Variants in MAP3K20 observed in about 807,000 individuals in gnomAD.
MAP3K20 encodes HCCS-4.
MAP3K20 carries 40 observed loss-of-function variants against 85.7 expected under a neutral mutation model. That is an observed-to-expected ratio of 0.47 (90% CI 0.36 to 0.61). The LOEUF (loss-of-function observed/expected upper bound fraction) is 0.61, where lower values mean the gene tolerates loss of function less well. Ranked by LOEUF, MAP3K20 falls within the 20% of genes least tolerant of loss-of-function variation. The probability of loss-of-function intolerance (pLI) is 0.00; values close to 1 mark genes in which losing one functional copy is unlikely to be tolerated. For synonymous variants in MAP3K20, 325 were observed against 327.7 expected (o/e 0.99, Z 0.09); for missense variants, 817 against 961.7 (o/e 0.85, Z 1.99).
At chr2:173,203,079 G>C (rs909834586) in intron 8 of MAP3K20, among the ~76,000 whole-genome samples, 13 of 152,074 alleles carry the variant, frequency 8.5e-5, no homozygotes, top group Admixed American at 3.3e-4. Context: ...ATGGTATATT[G>C]AATTGTCTAG....
At chr2:173,197,942 A>G in intron 7 of MAP3K20, 84 bp from the exon 8 acceptor site, 1 of 1,242,952 alleles carries the variant, frequency 8.0e-7, no homozygotes, top group Non-Finnish European at 1.1e-6. Flanking sequence ...ATTAGATACA[A>G]TTACATGTTA....
intron 2 of MAP3K20, among the ~76,000 whole-genome samples, chr2:173,126,693 T>G (rs1688454395): frequency 1.3e-5 from 2 of 150,782 alleles, no homozygotes; most frequent in South Asian, 2.1e-4. Flanking sequence ...GAATGTTTCT[T>G]TACAAAGAGA....
At chr2:173,229,838 G>A in intron 12 of MAP3K20, 105 bp downstream of exon 12, 1 of 1,282,478 alleles carries the variant, frequency 7.8e-7, no homozygotes. Context: ...GTCTAACTAG[G>A]AGAGGTTGAC....
intron 2 of MAP3K20, among the ~76,000 whole-genome samples, chr2:173,152,376 C>T (rs979662964): frequency 6.6e-6 from 1 of 152,132 alleles, no homozygotes. Context: ...TAGGCTGTTA[C>T]ATGGGAAGAG....
chr2:173,238,773 C>G (rs1468536338), intron 15 of MAP3K20, among the ~76,000 whole-genome samples: 1 of 152,160 alleles, frequency 6.6e-6, no homozygotes, highest in Non-Finnish European at 1.5e-5. Context: ...AATTCATACC[C>G]TGGAGCGCTC....
At chr2:173,263,471 T>C (rs1009090035) in intron 18 of MAP3K20, among the ~76,000 whole-genome samples, 5 of 152,228 alleles carry the variant, frequency 3.3e-5, no homozygotes, top group African/African-American at 1.2e-4. Flanking sequence ...TACTATAGTT[T>C]ACTAAGAAAT....
At chr2:173,171,722 T>C (rs1442070733) in intron 3 of MAP3K20, among the ~76,000 whole-genome samples, 1 of 152,212 alleles carries the variant, frequency 6.6e-6, no homozygotes, top group Non-Finnish European at 1.5e-5. Flanking sequence ...CCTACCCAAA[T>C]TCTTCAGTTA....
At chr2:173,155,074 A>G (rs1386326694) in intron 2 of MAP3K20, among the ~76,000 whole-genome samples, 1 of 152,158 alleles carries the variant, frequency 6.6e-6, no homozygotes. Context: ...GAGATGGAAT[A>G]TTTCAGAAAG....
Position 173,216,136 on chromosome 2 carries a change from A to G in MAP3K20, c.852-979A>G, listed in dbSNP as rs374086763. Among the ~76,000 whole-genome samples the G allele has an allele frequency of 2.1e-3, 314 of 152,306 alleles. 7 individuals carry two copies. In the South Asian group the frequency reaches 0.056, roughly 27 times the overall value. Reference sequence around the variant, plus strand: ...AAGGCTTTTCAGAAACTCAAGGGAAAGAGCTTCCAGTTTTCAAAACATAGA... The same window carrying G: ...AAGGCTTTTCAGAAACTCAAGGGAAGGAGCTTCCAGTTTTCAAAACATAGA... On this transcript the variant is annotated intron_variant, in intron 10 of 19. Coordinates refer to ENST00000375213, the MANE Select transcript of MAP3K20 (RefSeq NM_016653.3).
At chr2:173,244,879 G>C (rs1346925371) in intron 16 of MAP3K20, among the ~76,000 whole-genome samples, 1 of 152,156 alleles carries the variant, frequency 6.6e-6, no homozygotes. Context: ...TCATGGGAAA[G>C]GTGAAGCCTT....
intron 2 of MAP3K20, among the ~76,000 whole-genome samples, chr2:173,169,461 C>T (rs1185291495): frequency 2.0e-5 from 3 of 152,098 alleles, no homozygotes; most frequent in African/African-American, 7.2e-5. Flanking sequence ...TAGCTCACAC[C>T]TGTAATCCCA....
chr2:173,244,982 G>C (rs1298111443), intron 16 of MAP3K20, among the ~76,000 whole-genome samples: 1 of 152,212 alleles, frequency 6.6e-6, no homozygotes, highest in Non-Finnish European at 1.5e-5. Context: ...TTGCATAGCA[G>C]AGGCATTTGC....
chr2:173,233,602 G>A (rs1684577959), intron 14 of MAP3K20, among the ~76,000 whole-genome samples: 1 of 152,186 alleles, frequency 6.6e-6, no homozygotes, highest in South Asian at 2.1e-4. Context: ...ATGGACGAGT[G>A]TGTATAGGTT....
chr2:173,264,636 T>G (rs6716769), intron 19 of MAP3K20, among the ~76,000 whole-genome samples: 18,302 of 152,162 alleles, frequency 0.12, 1,157 homozygotes, highest in South Asian at 0.17. Context: ...GGAGCCAGAA[T>G]GCAGTCAACT....
intron 1 of MAP3K20, among the ~76,000 whole-genome samples, chr2:173,084,414 C>A: frequency 9.4e-6 from 1 of 106,244 alleles, no homozygotes; most frequent in Non-Finnish European, 2.0e-5. Flanking sequence ...ATGCTAATGT[C>A]CAAAAAGTGC....
At chr2:173,152,276 C>T (rs1217362514) in intron 2 of MAP3K20, among the ~76,000 whole-genome samples, 1 of 152,082 alleles carries the variant, frequency 6.6e-6, no homozygotes, top group Non-Finnish European at 1.5e-5. Context: ...ACATGCAGAA[C>T]GATTCTTGTC....
intron 2 of MAP3K20, among the ~76,000 whole-genome samples, chr2:173,093,923 T>C (rs902692083): frequency 2.8e-5 from 4 of 143,084 alleles, no homozygotes; most frequent in Non-Finnish European, 6.0e-5. Flanking sequence ...CTCACTCATA[T>C]GTGGGAATTG....
At chr2:173,104,580 C>T (rs1414678519) in intron 2 of MAP3K20, among the ~76,000 whole-genome samples, 1 of 152,114 alleles carries the variant, frequency 6.6e-6, no homozygotes, top group Non-Finnish European at 1.5e-5. Context: ...AGTCATGTAT[C>T]AATGTTGGCT....
At chr2:173,138,461 G>C (rs145381555) in intron 2 of MAP3K20, among the ~76,000 whole-genome samples, 1,733 of 152,300 alleles carry the variant, frequency 0.011, 21 homozygotes, top group Middle Eastern at 0.024. Flanking sequence ...TGTAGTGTAG[G>C]TTTTTTGCTT....
Sources: gnomAD v4.1 joint callset for allele counts (sites outside exome capture counted in the v4.1 genomes callset) on GRCh38, gnomAD v4.1.1 for gene constraint, MANE v1.5 for transcripts, NCBI Gene and HGNC (gene_info 2026-07-23, HGNC 2026-07-21) for gene names.